GML: variants seen among roughly 807,000 people sequenced by gnomAD.
GML encodes the protein glycosyl-phosphatidylinositol-anchored molecule-like protein.
GML carries 5 observed loss-of-function variants against 8.2 expected under a neutral mutation model. That is an observed-to-expected ratio of 0.61 (90% CI 0.32 to 1.28). GML has a LOEUF of 1.28. Ranked by LOEUF, GML falls within the 50% of genes most tolerant of loss-of-function variation. The pLI is 0.06. For missense variants in GML, 191 were observed against 198.3 expected (o/e 0.96, Z 0.22); for synonymous variants, 72 against 69.0 (o/e 1.04, Z -0.22).
At position 142,840,318 on chromosome 8, in the gene GML, G is replaced by A. The variant is rs571000778; in HGVS notation, c.-22-98G>A. 218 of 735,162 alleles carry A rather than the reference G, an allele frequency of 3.0e-4. No individual in the cohort carries two copies. In the African/African-American group the frequency reaches 3.3e-3, roughly 11 times the overall value. 45.5% of individuals were successfully genotyped at this position (735,162 alleles called of 1,614,324 possible). Reference sequence around the variant, plus strand: ...AGTGGGGGAGGCATTCAGGTGGGCAGAGTCAGGGAGACTCATGAGGCCGTT... The same window carrying A: ...AGTGGGGGAGGCATTCAGGTGGGCAAAGTCAGGGAGACTCATGAGGCCGTT... On this transcript the variant is annotated intron_variant, in intron 1 of 3. Coordinates refer to ENST00000220940, the MANE Select transcript of GML (RefSeq NM_002066.3).
At chr8:142,839,686 C>A (rs551211185) in intron 1 of GML, among the ~76,000 whole-genome samples, 1 of 152,256 alleles carries the variant, frequency 6.6e-6, no homozygotes, top group East Asian at 1.9e-4. Flanking sequence ...GGAGACAGTG[C>A]GTTTGCAGGA....
intron 3 of GML, among the ~76,000 whole-genome samples, chr8:142,842,830 GC>G (rs1816452708): frequency 6.6e-6 from 1 of 152,196 alleles, no homozygotes; most frequent in African/African-American, 2.4e-5. Flanking sequence ...CTTTGATATT[GC>G]CCTGCAGAGT....
Position 142,834,815 on chromosome 8 carries a change from C to T in GML, c.-76C>T. 6.6e-6 allele frequency: 1 copy of T among 150,998 alleles called. No individual in the cohort carries two copies. 9.4% of individuals were successfully genotyped at this position (150,998 alleles called of 1,614,324 possible). A position where few individuals can be genotyped will look rare whatever the true frequency, so the allele number is the denominator to read the frequency against. ...CGGGTGGGGAGGTCGGCGCGGGAGGCTCAGATGGCTGGAGGCGGCGGGCAC... is the reference window on the plus strand; with the variant it reads ...CGGGTGGGGAGGTCGGCGCGGGAGGTTCAGATGGCTGGAGGCGGCGGGCAC... On this transcript the variant is annotated 5_prime_UTR_variant, in exon 1 of 4. Transcript: ENST00000220940.
chr8:142,838,367 T>C (rs1050975688), intron 1 of GML, among the ~76,000 whole-genome samples: 3 of 152,188 alleles, frequency 2.0e-5, no homozygotes, highest in African/African-American at 7.2e-5. Context: ...TCTGTGCCTC[T>C]GGTTATCTGT....
intron 3 of GML, among the ~76,000 whole-genome samples, chr8:142,844,935 A>G (rs1401075967): frequency 6.6e-6 from 1 of 152,366 alleles, no homozygotes; most frequent in South Asian, 2.1e-4. Flanking sequence ...TACATAGCTA[A>G]TTATAAAAAA....
At chr8:142,840,546 C>T (rs756451060) in intron 2 of GML, 36 bp downstream of exon 2, 21 of 1,457,800 alleles carry the variant, frequency 1.4e-5, no homozygotes, top group Admixed American at 8.4e-5. Context: ...CTGGAGAGGA[C>T]GAGAATTCAC....
At position 142,841,204 on chromosome 8, in the gene GML, C is replaced by T. The variant is rs3764795; in HGVS notation, c.160C>T (p.Arg54Cys). ...TAGAGTATGTCCGTATCATATTAGG[C>T]GCTGTATGACAATCTCCATTCGTAA... The part of the protein sequence containing the change: ...NIRVCPYHIR[R>C]CMTISIRINS... The change falls in exon 3 of 4, where the codon CGC (arginine) becomes TGC (cysteine). Residue 54 changes from arginine (R) to cysteine (C), a missense_variant. By Grantham distance (180) the Arg-to-Cys change is radical. Coordinates refer to ENST00000220940, the MANE Select transcript of GML (RefSeq NM_002066.3). 119,104 of 1,506,976 alleles carry T rather than the reference C, an allele frequency of 0.079. 9,953 individuals are homozygous for T. Among genetic ancestry groups the T allele is most frequent in the East Asian group, 0.47 (20,482 of 44,040 alleles). The allele number at this position is 1,506,976 out of a possible 1,614,324, so 93.4% of individuals were successfully genotyped here.
chr8:142,840,835 G>A (rs775799900), intron 2 of GML, among the ~76,000 whole-genome samples: 5 of 152,130 alleles, frequency 3.3e-5, no homozygotes, highest in Non-Finnish European at 7.4e-5. Context: ...TTGGCGAGGT[G>A]AGCCAGGTCT....
At chr8:142,838,544 C>G (rs1311621054) in intron 1 of GML, among the ~76,000 whole-genome samples, 2 of 152,168 alleles carry the variant, frequency 1.3e-5, no homozygotes, top group Admixed American at 6.5e-5. Context: ...CATACACGTT[C>G]TAACTCCAGA....
In GML at chr8:142,840,429, C is replaced by T. The variant is rs372387223; in HGVS notation, c.-9C>T. 79 of 1,610,978 alleles carry T rather than the reference C, an allele frequency of 4.9e-5. No homozygotes were observed. The highest frequency in any genetic ancestry group is 1.0e-4 in the Admixed American group (6 of 60,000). On this transcript the variant is annotated 5_prime_UTR_variant, in exon 2 of 4. Coordinates refer to ENST00000220940, the MANE Select transcript of GML (RefSeq NM_002066.3). ...CCTTCCCTTCAGGTCCAGGCTCCTG[C>T]GTGAAGTGATGCTCCTCTTTGCCTT...
At chr8:142,836,884 G>T (rs1245990961) in intron 1 of GML, among the ~76,000 whole-genome samples, 2 of 152,192 alleles carry the variant, frequency 1.3e-5, no homozygotes, top group African/African-American at 4.8e-5. Flanking sequence ...GTCTCGTGTT[G>T]AAGTCAAATA....
At chr8:142,844,195 G>A (rs1288561905) in intron 3 of GML, among the ~76,000 whole-genome samples, 2 of 152,184 alleles carry the variant, frequency 1.3e-5, no homozygotes, top group Non-Finnish European at 2.9e-5. Flanking sequence ...CTTGATCTCT[G>A]ACAAAGTTGA....
At chr8:142,838,341 T>C (rs932504456) in intron 1 of GML, among the ~76,000 whole-genome samples, 2 of 152,182 alleles carry the variant, frequency 1.3e-5, no homozygotes, top group African/African-American at 2.4e-5. Context: ...CCTTTGCTCC[T>C]GGGGGCTTAA....
rs141328447 is a variant in GML at position 142,838,700 on chromosome 8, G to A, written c.-22-1716G>A. 3.6e-3 allele frequency among the ~76,000 whole-genome samples: 554 copies of A among 152,206 alleles called. 6 individuals carry two copies. The highest frequency in any genetic ancestry group is 0.012 in the African/African-American group (498 of 41,524). On this transcript the variant is annotated intron_variant, in intron 1 of 3. Transcript: ENST00000220940. The stretch of plus-strand genomic sequence containing the variant: ...ATTTTCTAGCCCACTCTGCTTCTCT[G>A]ACACCTTTAGTCTTGAGGATCCATG...
At chr8:142,844,499 G>A (rs1816479579) in intron 3 of GML, among the ~76,000 whole-genome samples, 1 of 152,176 alleles carries the variant, frequency 6.6e-6, no homozygotes, top group Non-Finnish European at 1.5e-5. Flanking sequence ...GAAGATACCT[G>A]TGAAATAGTA....
intron 3 of GML, among the ~76,000 whole-genome samples, chr8:142,842,651 C>A (rs1816449536): frequency 6.6e-6 from 1 of 152,226 alleles, no homozygotes; most frequent in Non-Finnish European, 1.5e-5. Flanking sequence ...CCTTCATGTC[C>A]ACCCCATCTT....
chr8:142,835,388 A>T (rs956248238), intron 1 of GML, among the ~76,000 whole-genome samples: 1 of 151,754 alleles, frequency 6.6e-6, no homozygotes, highest in African/African-American at 2.4e-5. Context: ...GCCCACCCCC[A>T]CACTGTCTGT....
chr8:142,840,322 C>G, intron 1 of GML, 94 bp from the exon 2 acceptor site: 1 of 759,436 alleles, frequency 1.3e-6, no homozygotes. Flanking sequence ...TGGGCAGAGT[C>G]AGGGAGACTC....
Position 142,846,675 on chromosome 8 carries a change from C to T in GML, c.462C>T (p.Ser154=). Residue 154 remains serine, a synonymous_variant, in exon 4 of 4, where the codon AGC becomes AGT. Transcript: ENST00000220940. The part of the protein sequence containing the change: ...LLLSFASIIV[S]NILP The stretch of plus-strand genomic sequence containing the variant: ...TGAGTTTTGCCTCTATCATAGTCAG[C>T]AATATATTGCCATGAGGACCCCACC... The T allele has an allele frequency of 2.5e-6, 4 of 1,613,178 alleles. No individual in the cohort carries two copies. The highest frequency in any genetic ancestry group is 3.4e-6 in the Non-Finnish European group (4 of 1,179,220).
Sources: allele counts gnomAD v4.1 joint callset (sites outside exome capture counted in the v4.1 genomes callset), GRCh38; gene constraint gnomAD v4.1.1; transcripts MANE v1.5; gene names NCBI Gene and HGNC (gene_info 2026-07-23, HGNC 2026-07-21).